Variants in FRAS1 observed in about 807,000 individuals in gnomAD.
The protein encoded by FRAS1 is Fraser extracellular matrix complex subunit 1.
FRAS1 carries 290 observed loss-of-function variants against 435.2 expected under a neutral mutation model. The observed-to-expected ratio is 0.67, with a 90% CI of 0.61 to 0.73. The LOEUF is 0.73. Among genes scored for constraint, FRAS1 ranks in the 30% least tolerant of loss-of-function variants. The probability of loss-of-function intolerance (pLI) is 0.00; values close to 1 mark genes in which losing one functional copy is unlikely to be tolerated. For missense variants in FRAS1, 4,860 were observed against 5,001.5 expected, an observed-to-expected ratio of 0.97 and a Z score of 0.85; for synonymous variants, 1,800 against 1,851.0, an observed-to-expected ratio of 0.97 and a Z score of 0.71.
intron 17 of FRAS1, 79 bp downstream of exon 17, chr4:78,317,587 T>C (rs1018536101): frequency 4.4e-5 from 58 of 1,332,716 alleles, no homozygotes; most frequent in Middle Eastern, 1.8e-4. Flanking sequence ...AATATAACTT[T>C]CCAGTGTAAC....
At chr4:78,265,559 G>A (rs1726309566) in intron 7 of FRAS1, among the ~76,000 whole-genome samples, 1 of 152,144 alleles carries the variant, frequency 6.6e-6, no homozygotes, top group African/African-American at 2.4e-5. Context: ...GAGGCGAGAG[G>A]CTGTTGGTGG....
intron 2 of FRAS1, among the ~76,000 whole-genome samples, chr4:78,073,312 T>C (rs1964670): frequency 0.62 from 94,301 of 152,022 alleles, 30,224 homozygotes; most frequent in Middle Eastern, 0.71. Flanking sequence ...TATTCATATT[T>C]GTGTGGTAGG....
chr4:78,410,213 A>T (rs528497510), intron 31 of FRAS1, among the ~76,000 whole-genome samples: 2 of 152,308 alleles, frequency 1.3e-5, no homozygotes, highest in Admixed American at 6.5e-5. Flanking sequence ...CTGGAAGGGG[A>T]ATCTAAGTAG....
chr4:78,334,033 C>T (rs755558513), intron 19 of FRAS1, among the ~76,000 whole-genome samples: 34 of 152,300 alleles, frequency 2.2e-4, no homozygotes, highest in Non-Finnish European at 2.4e-4. Context: ...AAGTGATCCT[C>T]CCACCTTGGC....
intron 9 of FRAS1, among the ~76,000 whole-genome samples, chr4:78,268,144 C>T (rs927382064): frequency 8.5e-5 from 13 of 152,136 alleles, no homozygotes; most frequent in African/African-American, 2.7e-4. Flanking sequence ...TGCTCCCTTC[C>T]GCCCCACCAA....
chr4:78,085,661 A>G (rs1741112128), intron 2 of FRAS1, among the ~76,000 whole-genome samples: 1 of 152,166 alleles, frequency 6.6e-6, no homozygotes, highest in African/African-American at 2.4e-5. Context: ...TAATAACAGT[A>G]TGTTAAGAGA....
intron 2 of FRAS1, among the ~76,000 whole-genome samples, chr4:78,140,630 CATATACATATGTGTATATGT>C (rs1243401607): frequency 6.6e-6 from 1 of 150,772 alleles, no homozygotes; most frequent in Non-Finnish European, 1.5e-5. Context: ...TGTGTATACG[CATATACATATGTGTATATGT>C]ATATACGTAT....
Position 78,513,450 on chromosome 4 carries a change from A to G in FRAS1, c.10072A>G (p.Met3358Val). The G allele has an allele frequency of 1.2e-6, 2 of 1,613,968 alleles. No individual in the cohort carries two copies. The highest frequency in any genetic ancestry group is 1.1e-5 in the South Asian group (1 of 91,084). ...QDGMLPLISTMPLHNLHFLLS... is the reference protein window; with the variant it reads ...QDGMLPLISTVPLHNLHFLLS... Reference sequence around the variant, plus strand: ...TGGAATGCTGCCCCTTATCTCCACCATGCCGTTGCACAACTTACATTTTCT... The same window carrying G: ...TGGAATGCTGCCCCTTATCTCCACCGTGCCGTTGCACAACTTACATTTTCT... Residue 3358 changes from methionine to valine, a missense_variant, in exon 65 of 74, where the codon ATG (methionine) becomes GTG (valine). Met to Val is a conservative substitution (Grantham distance 21, BLOSUM62 1). Transcript: ENST00000512123.
rs1720522831 is a variant in FRAS1 at position 78,496,940 on chromosome 4, A to G, written c.9094A>G (p.Thr3032Ala). 6.2e-7 allele frequency: 1 copy of G among 1,613,486 alleles called. No individual in the cohort carries two copies. Among genetic ancestry groups the G allele is most frequent in the Non-Finnish European group, 8.5e-7 (1 of 1,179,564 alleles). ...TGGAAAGAATAACATGGCCACCATC[A>G]CCATATCCAATGATGAAGATGGTAA... ...RIGKNNMATI[T>A]ISNDEDAPTI... The change falls in exon 60 of 74, where the codon ACC becomes GCC. Residue 3032 changes from threonine to alanine, a missense_variant. Physicochemically the swap from Thr to Ala is moderately conservative, Grantham distance 58. Transcript: ENST00000512123.
chr4:78,418,636 A>G (rs149690256), intron 32 of FRAS1, among the ~76,000 whole-genome samples: 7 of 152,276 alleles, frequency 4.6e-5, no homozygotes, highest in Non-Finnish European at 5.9e-5. Context: ...TCATTTGCAA[A>G]CGTGTTCCAC....
chr4:78,423,813 T>G (rs1160649546), intron 34 of FRAS1, among the ~76,000 whole-genome samples: 2 of 152,200 alleles, frequency 1.3e-5, no homozygotes, highest in Non-Finnish European at 2.9e-5. Context: ...TTACAAGTCC[T>G]ACTTCATAAG....
intron 2 of FRAS1, among the ~76,000 whole-genome samples, chr4:78,172,900 AT>A (rs1721617823): frequency 6.6e-6 from 1 of 151,854 alleles, no homozygotes; most frequent in African/African-American, 2.4e-5. Flanking sequence ...AAGTCTTATT[AT>A]TTTGGATTGA....
intron 31 of FRAS1, among the ~76,000 whole-genome samples, chr4:78,410,485 T>G (rs1004073298): frequency 6.6e-6 from 1 of 151,882 alleles, no homozygotes; most frequent in Non-Finnish European, 1.5e-5. Flanking sequence ...AGACATCCAG[T>G]TGAATGAACA....
chr4:78,082,047 A>G (rs764193723), intron 2 of FRAS1, among the ~76,000 whole-genome samples: 6 of 152,122 alleles, frequency 3.9e-5, no homozygotes. Flanking sequence ...AAAATATTAT[A>G]TCTAACATTT....
At chr4:78,322,196 G>A (rs1021462090) in intron 18 of FRAS1, among the ~76,000 whole-genome samples, 1 of 152,136 alleles carries the variant, frequency 6.6e-6, no homozygotes, top group African/African-American at 2.4e-5. Context: ...CAGTCATCCC[G>A]TATCTCTGGA....
chr4:78,447,416 G>A (rs1718882606), intron 43 of FRAS1, among the ~76,000 whole-genome samples: 1 of 151,382 alleles, frequency 6.6e-6, no homozygotes, highest in Non-Finnish European at 1.5e-5. Flanking sequence ...GAATGCAAGT[G>A]GTGTGTCTCA....
At chr4:78,298,673 A>T (rs889474488) in intron 14 of FRAS1, among the ~76,000 whole-genome samples, 1 of 152,228 alleles carries the variant, frequency 6.6e-6, no homozygotes, top group Non-Finnish European at 1.5e-5. Context: ...ATATCTTAAG[A>T]CTATGACCTA....
intron 6 of FRAS1, among the ~76,000 whole-genome samples, chr4:78,258,356 G>A (rs1193273185): frequency 1.5e-5 from 2 of 134,334 alleles, no homozygotes; most frequent in African/African-American, 5.4e-5. Context: ...AAAAAAAAAA[G>A]AAAAAAGAAA....
chr4:78,464,443 G>A lies in FRAS1; in HGVS notation c.6889G>A (p.Val2297Met). Residue 2297 changes from valine to methionine, a missense_variant and splice_region_variant, in exon 49 of 74, where the codon GTG becomes ATG. Val to Met is a conservative substitution (Grantham distance 21). Coordinates refer to ENST00000512123, the MANE Select transcript of FRAS1 (RefSeq NM_025074.7). The stretch of plus-strand genomic sequence containing the variant: ...CACCTGCACTTTCCTGCCATTCTAG[G>A]TGACTCAGACTTTCCATATCACTCT... Reference protein sequence around the residue: ...SFTLSDGVSEVTQTFHITLHP... With the variant: ...SFTLSDGVSEMTQTFHITLHP... The A allele has an allele frequency of 3.1e-6, 5 of 1,613,976 alleles. No homozygotes were observed. Among genetic ancestry groups the A allele is most frequent in the Non-Finnish European group, 4.2e-6 (5 of 1,179,868 alleles).
Sources: allele counts gnomAD v4.1 joint callset (sites outside exome capture counted in the v4.1 genomes callset), GRCh38; gene constraint gnomAD v4.1.1; transcripts MANE v1.5; gene names NCBI Gene and HGNC (gene_info 2026-07-23, HGNC 2026-07-21).